FYB1: variants seen among roughly 807,000 people sequenced by gnomAD.
The protein encoded by FYB1 is FYN-binding protein 1.
In FYB1, 41 loss-of-function variants were observed where a neutral mutation model predicts 94.1. The ratio of observed to expected loss-of-function variants is 0.44; its 90% confidence interval spans 0.34 to 0.57. FYB1 has a LOEUF of 0.57. Among genes scored for constraint, FYB1 ranks in the 20% least tolerant of loss-of-function variants. FYB1 has a pLI of 0.02. For synonymous variants in FYB1, 367 were observed against 353.2 expected, an observed-to-expected ratio of 1.04 and a Z score of -0.44; for missense variants, 1,050 against 976.8, an observed-to-expected ratio of 1.07 and a Z score of -1.00.
At chr5:39,148,381 GTTTTT>G (rs538508812) in intron 3 of FYB1, among the ~76,000 whole-genome samples, 2 of 38,170 alleles carry the variant, frequency 5.2e-5, no homozygotes, top group African/African-American at 7.4e-5. Flanking sequence ...TTATCAGCAG[GTTTTT>G]TTTTTTTTTT....
At chr5:39,219,595 C>A (rs539139525), upstream of FYB1, 13 of 985,208 alleles carry the variant, frequency 1.3e-5, no homozygotes, top group East Asian at 1.4e-3. Flanking sequence ...GGGTTTTGTC[C>A]CGGTCAGTGG....
intron 1 of FYB1, among the ~76,000 whole-genome samples, chr5:39,211,669 A>G (rs889769328): frequency 6.6e-6 from 1 of 152,146 alleles, no homozygotes; most frequent in Non-Finnish European, 1.5e-5. Flanking sequence ...TTTGCTAAGG[A>G]CATTTGAAGT....
intron 1 of FYB1, chr5:39,250,817 G>A (rs1561308813): frequency 6.6e-6 from 1 of 152,136 alleles, no homozygotes; most frequent in African/African-American, 2.4e-5. Context: ...CTTTCAAAAT[G>A]ATATGATATT....
At chr5:39,250,099 T>C (rs1751652282) in intron 1 of FYB1, among the ~76,000 whole-genome samples, 1 of 152,192 alleles carries the variant, frequency 6.6e-6, no homozygotes, top group Admixed American at 6.5e-5. Context: ...CCTTTTACCA[T>C]GATTGTAAAT....
intron 1 of FYB1, among the ~76,000 whole-genome samples, chr5:39,237,629 A>T (rs1751026536): frequency 6.6e-6 from 1 of 152,172 alleles, no homozygotes; most frequent in Non-Finnish European, 1.5e-5. Context: ...AAAGTAAAAA[A>T]GAGTTAAAAT....
intron 17 of FYB1, among the ~76,000 whole-genome samples, chr5:39,109,371 T>C (rs761429952): frequency 6.6e-6 from 1 of 152,106 alleles, no homozygotes; most frequent in Admixed American, 6.6e-5. Flanking sequence ...TTACAGAGTA[T>C]GCTTTCTAAA....
intron 2 of FYB1, among the ~76,000 whole-genome samples, chr5:39,154,303 C>T (rs1743546567): frequency 6.6e-6 from 1 of 152,096 alleles, no homozygotes; most frequent in African/African-American, 2.4e-5. Flanking sequence ...ACTCAATCCT[C>T]CATCGACTTT....
intron 1 of FYB1, chr5:39,269,634 G>A (rs1482522454): frequency 1.3e-5 from 2 of 152,264 alleles, no homozygotes; most frequent in African/African-American, 4.8e-5. Context: ...ACAATACACA[G>A]TCACATCACA....
At chr5:39,221,049 C>G (rs1256799601), upstream of FYB1, among the ~76,000 whole-genome samples, 2 of 152,166 alleles carry the variant, frequency 1.3e-5, no homozygotes, top group Non-Finnish European at 2.9e-5. Flanking sequence ...AGATCTCTGG[C>G]TTTTTACCTG....
chr5:39,259,197 A>G (rs1248960301), intron 1 of FYB1, among the ~76,000 whole-genome samples: 2 of 152,210 alleles, frequency 1.3e-5, no homozygotes, highest in Admixed American at 1.3e-4. Context: ...ACATCTAACA[A>G]TGCACAAAAG....
At chr5:39,193,072 G>A (rs1001691532) in intron 2 of FYB1, among the ~76,000 whole-genome samples, 4 of 152,258 alleles carry the variant, frequency 2.6e-5, no homozygotes, top group Non-Finnish European at 4.4e-5. Context: ...ATCCAGACCT[G>A]GAACTTCCCC....
At chr5:39,126,492 T>C (rs770219341) in intron 11 of FYB1, among the ~76,000 whole-genome samples, 9 of 151,752 alleles carry the variant, frequency 5.9e-5, no homozygotes, top group Non-Finnish European at 1.0e-4. Flanking sequence ...GCCCAGGAGT[T>C]TGAGACAAGC....
chr5:39,176,138 T>C (rs1385499286), intron 2 of FYB1, among the ~76,000 whole-genome samples: 1 of 5,152 alleles, frequency 1.9e-4, no homozygotes, highest in Non-Finnish European at 3.1e-4. Context: ...TTTTTTTCTG[T>C]TTTTTTTTTT....
intron 1 of FYB1, among the ~76,000 whole-genome samples, chr5:39,268,514 G>A (rs920339645): frequency 6.6e-6 from 1 of 152,020 alleles, no homozygotes; most frequent in Non-Finnish European, 1.5e-5. Flanking sequence ...TTACAGGCAT[G>A]AGCCTGACCA....
chr5:39,138,946 A>G, intron 5 of FYB1: 1 of 552,042 alleles, frequency 1.8e-6, no homozygotes, highest in Non-Finnish European at 3.2e-6. Flanking sequence ...TCTCCTTAGA[A>G]ATAGACTGGG....
At chr5:39,169,860 C>T (rs370516120) in intron 2 of FYB1, 115 of 542,774 alleles carry the variant, frequency 2.1e-4, no homozygotes, top group Non-Finnish European at 3.6e-4. Flanking sequence ...TAACACTTGA[C>T]GTCCAAGAAC....
intron 10 of FYB1, 42 bp downstream of exon 10, chr5:39,130,548 G>T: frequency 1.3e-6 from 2 of 1,485,960 alleles, no homozygotes; most frequent in Non-Finnish European, 1.8e-6. Context: ...GCCAATATAT[G>T]TATCAATTGT....
At chr5:39,253,234 T>C (rs1292310480) in intron 1 of FYB1, among the ~76,000 whole-genome samples, 1 of 152,230 alleles carries the variant, frequency 6.6e-6, no homozygotes, top group Non-Finnish European at 1.5e-5. Context: ...AATGCAAGAA[T>C]GTGAACTGAT....
intron 16 of FYB1, among the ~76,000 whole-genome samples, chr5:39,111,710 C>A (rs1318233394): frequency 1.3e-5 from 2 of 151,438 alleles, no homozygotes; most frequent in Non-Finnish European, 3.0e-5. Context: ...GAGACATGTG[C>A]CAAGATAATA....
Sources: gnomAD v4.1 joint callset for allele counts (sites outside exome capture counted in the v4.1 genomes callset) on GRCh38, gnomAD v4.1.1 for gene constraint, MANE v1.5 for transcripts, NCBI Gene and HGNC (gene_info 2026-07-23, HGNC 2026-07-21) for gene names.